The following ZNF131 variants were observed in gnomAD, a reference collection of about 807,000 sequenced individuals.
ZNF131 encodes zinc finger protein 131.
ZNF131 carries 7 observed loss-of-function variants against 60.0 expected under a neutral mutation model. The ratio of observed to expected loss-of-function variants is 0.12; its 90% CI spans 0.07 to 0.22. The LOEUF is 0.22. ZNF131 is among the 10% of genes least tolerant of loss of function. The probability of loss-of-function intolerance (pLI) is 1.00; values close to 1 mark genes in which losing one functional copy is unlikely to be tolerated. For missense variants in ZNF131, 493 were observed against 740.9 expected, an observed-to-expected ratio of 0.67 and a Z score of 3.88; for synonymous variants, 257 against 253.2, an observed-to-expected ratio of 1.01 and a Z score of -0.14.
At chr5:43,130,602 T>G (rs533448034) in intron 3 of ZNF131, among the ~76,000 whole-genome samples, 1 of 152,172 alleles carries the variant, frequency 6.6e-6, no homozygotes, top group South Asian at 2.1e-4. Context: ...TTTGCTCTTG[T>G]TGCCCAGGCT....
rs1317614258 is a variant in ZNF131 at position 43,122,098 on chromosome 5, A to C, written c.45A>C (p.Glu15Asp). 6.2e-7 allele frequency: 1 copy of C among 1,614,022 alleles called. No individual in the cohort carries two copies. Among genetic ancestry groups the C allele is most frequent in the Non-Finnish European group, 8.5e-7 (1 of 1,180,026 alleles). The change falls in exon 2 of 7, where the codon GAA (glutamate) becomes GAC (aspartate). Residue 15 changes from glutamate to aspartate, a missense_variant. Glu to Asp is a conservative substitution (Grantham distance 45). Around this residue, in one of 7 missense-constraint regions of ZNF131, gnomAD observed 66 missense variants for 148.0 expected, o/e 0.45. Transcript: ENST00000682664. ...TGGAATGCCTTCAGGAGTTCCCTGAACATCATAAAATGATCCTCGACCGAT... is the reference window on the plus strand; with the variant it reads ...TGGAATGCCTTCAGGAGTTCCCTGACCATCATAAAATGATCCTCGACCGAT... Reference protein sequence around the residue: ...ETMECLQEFPEHHKMILDRLN... With the variant: ...ETMECLQEFPDHHKMILDRLN...
intron 4 of ZNF131, among the ~76,000 whole-genome samples, chr5:43,157,704 C>A (rs749014461): frequency 9.2e-5 from 14 of 152,220 alleles, no homozygotes; most frequent in Non-Finnish European, 2.1e-4. Context: ...TGTGTTGTTT[C>A]TCAGTTCTGA....
At chr5:43,165,593 A>G (rs200611549) in intron 5 of ZNF131, among the ~76,000 whole-genome samples, 10 of 152,216 alleles carry the variant, frequency 6.6e-5, no homozygotes, top group East Asian at 3.8e-4. Flanking sequence ...AAAATAGTCA[A>G]TAAACCATGC....
intron 3 of ZNF131, among the ~76,000 whole-genome samples, chr5:43,128,783 G>T (rs1160775560): frequency 6.6e-6 from 1 of 150,600 alleles, no homozygotes; most frequent in Non-Finnish European, 1.5e-5. Flanking sequence ...ACAGGGTCTT[G>T]CTCTGTCACC....
intron 4 of ZNF131, among the ~76,000 whole-genome samples, chr5:43,141,642 A>G (rs575502701): frequency 9.2e-5 from 14 of 152,092 alleles, no homozygotes; most frequent in African/African-American, 2.9e-4. Context: ...GTGGCGTGCA[A>G]CTGTAGTCCC....
chr5:43,153,655 CAA>C (rs1561425538), intron 4 of ZNF131, among the ~76,000 whole-genome samples: 1 of 151,840 alleles, frequency 6.6e-6, no homozygotes, highest in Admixed American at 6.6e-5. Context: ...AACAAACAAA[CAA>C]ACAAAAATTC....
chr5:43,164,612 C>T (rs1378059152), intron 5 of ZNF131, among the ~76,000 whole-genome samples: 1 of 152,098 alleles, frequency 6.6e-6, no homozygotes, highest in Non-Finnish European at 1.5e-5. Context: ...CTCTTTTACC[C>T]AAAACATTGC....
chr5:43,155,933 A>G (rs1748906534), intron 4 of ZNF131, among the ~76,000 whole-genome samples: 1 of 152,194 alleles, frequency 6.6e-6, no homozygotes, highest in Admixed American at 6.5e-5. Flanking sequence ...AGTCAACAGG[A>G]TATCATCAAT....
At chr5:43,151,452 T>C (rs2111744493) in intron 4 of ZNF131, among the ~76,000 whole-genome samples, 1 of 150,496 alleles carries the variant, frequency 6.6e-6, no homozygotes, top group South Asian at 2.1e-4. Context: ...TTTTGTTTTT[T>C]TGAGACGGAG....
rs570540852 is a variant in ZNF131, at chr5:43,161,584, C to T, written c.707C>T (p.Pro236Leu). 4.3e-6 allele frequency: 7 copies of T among 1,614,226 alleles called. No individual in the cohort carries two copies. The Admixed American group carries it at 6.7e-5, about 15-fold the overall frequency. The change falls in exon 5 of 7, where the codon CCA (proline) becomes CTA (leucine). Residue 236 changes from proline (P) to leucine (L), a missense_variant. Physicochemically the swap from Pro to Leu is moderately conservative, Grantham distance 98. Transcript: ENST00000682664. ...GGGCAGATTAAAGAAGATGGCTGTC[C>T]ATCTGACCCCACGAGCAAACAGGTA... ...RKGQIKEDGC[P>L]SDPTSKQVEG...
intron 5 of ZNF131, among the ~76,000 whole-genome samples, chr5:43,172,434 A>C (rs1751106879): frequency 6.6e-6 from 1 of 152,210 alleles, no homozygotes; most frequent in East Asian, 1.9e-4. Flanking sequence ...CAGCCTGGCC[A>C]ACATGGTGAA....
chr5:43,164,510 C>T (rs78037793), intron 5 of ZNF131, among the ~76,000 whole-genome samples: 1 of 152,282 alleles, frequency 6.6e-6, no homozygotes, highest in African/African-American at 2.4e-5. Context: ...AAGTAACTTG[C>T]AAACTTTGAT....
intron 2 of ZNF131, 91 bp downstream of exon 2, chr5:43,122,268 T>TA (rs1743958926): frequency 5.0e-6 from 6 of 1,206,656 alleles, no homozygotes; most frequent in Admixed American, 2.5e-5. Flanking sequence ...TTTTTTTTTT[T>TA]TAACCCATCC....
intron 5 of ZNF131, among the ~76,000 whole-genome samples, chr5:43,164,839 G>A (rs956414950): frequency 1.3e-5 from 2 of 152,166 alleles, no homozygotes; most frequent in East Asian, 1.9e-4. Flanking sequence ...ACCCATTGGA[G>A]GAACAGTTGA....
At chr5:43,155,342 G>A (rs1193014980) in intron 4 of ZNF131, among the ~76,000 whole-genome samples, 1 of 152,176 alleles carries the variant, frequency 6.6e-6, no homozygotes, top group Non-Finnish European at 1.5e-5. Context: ...TGGGTAGTTA[G>A]GGATCAGTTT....
intron 4 of ZNF131, among the ~76,000 whole-genome samples, chr5:43,151,565 G>A (rs1053131702): frequency 6.6e-6 from 1 of 152,114 alleles, no homozygotes; most frequent in Non-Finnish European, 1.5e-5. Flanking sequence ...CTCCCTAGTA[G>A]CTGGGATTAC....
At chr5:43,153,181 A>G (rs1241502874) in intron 4 of ZNF131, among the ~76,000 whole-genome samples, 2 of 152,190 alleles carry the variant, frequency 1.3e-5, no homozygotes, top group Non-Finnish European at 1.5e-5. Flanking sequence ...CAGTATTCCT[A>G]TAAGATGATG....
chr5:43,138,181 T>G (rs1360864695), intron 3 of ZNF131, among the ~76,000 whole-genome samples: 1 of 152,132 alleles, frequency 6.6e-6, no homozygotes, highest in African/African-American at 2.4e-5. Context: ...GTACCTAGAG[T>G]CAACAATAGT....
intron 5 of ZNF131, among the ~76,000 whole-genome samples, chr5:43,171,200 G>A (rs1217086498): frequency 1.3e-5 from 2 of 151,600 alleles, no homozygotes; most frequent in Non-Finnish European, 2.9e-5. Context: ...CACCCGCCTC[G>A]GTCTCCCAAA....
Sources: allele counts gnomAD v4.1 joint callset (sites outside exome capture counted in the v4.1 genomes callset), GRCh38; gene constraint gnomAD v4.1.1; regional missense constraint gnomAD v4.1.1; transcripts MANE v1.5; gene names NCBI Gene and HGNC (gene_info 2026-07-23, HGNC 2026-07-21).